MAGI1: variants seen among roughly 807,000 people sequenced by gnomAD.
MAGI1 encodes the protein membrane associated guanylate kinase, WW and PDZ domain containing 1, also known as membrane-associated guanylate kinase, WW and PDZ domain-containing protein 1.
A neutral mutation model predicts 139.9 loss-of-function variants in MAGI1; 58 were observed. That is an observed-to-expected ratio of 0.41 (90% CI 0.34 to 0.52). The LOEUF (loss-of-function observed/expected upper bound fraction) is 0.52. Ranked by LOEUF, MAGI1 falls within the 20% of genes least tolerant of loss-of-function variation. MAGI1 has a pLI of 0.12. For synonymous variants in MAGI1, 812 were observed against 737.9 expected (o/e 1.10, Z -1.63); for missense variants, 1,874 against 1,901.6 (o/e 0.99, Z 0.27).
At chr3:65,485,090 T>C (rs1432394856) in intron 3 of MAGI1, among the ~76,000 whole-genome samples, 1 of 152,190 alleles carries the variant, frequency 6.6e-6, no homozygotes, top group Admixed American at 6.5e-5. Flanking sequence ...GGGATCCTCC[T>C]AAAAACCTGT....
At chr3:65,691,202 C>G (rs903320417) in intron 1 of MAGI1, among the ~76,000 whole-genome samples, 21 of 150,918 alleles carry the variant, frequency 1.4e-4, no homozygotes, top group African/African-American at 4.9e-4. Flanking sequence ...ACATGGGAGG[C>G]TGAGGCAGGA....
intron 2 of MAGI1, among the ~76,000 whole-genome samples, chr3:65,582,473 TA>T (rs1291355007): frequency 1.3e-5 from 2 of 152,206 alleles, no homozygotes; most frequent in Admixed American, 1.3e-4. Flanking sequence ...AGGATGATTT[TA>T]AACATGCTGC....
At chr3:65,982,978 G>GTACAGTACA (rs2065667715) in intron 1 of MAGI1, among the ~76,000 whole-genome samples, 2 of 152,200 alleles carry the variant, frequency 1.3e-5, no homozygotes, top group African/African-American at 2.4e-5. Context: ...ACAGTACAGT[G>GTACAGTACA]GCACAATCAT....
chr3:65,908,511 C>A (rs983630501), intron 1 of MAGI1, among the ~76,000 whole-genome samples: 1 of 152,176 alleles, frequency 6.6e-6, no homozygotes, highest in Non-Finnish European at 1.5e-5. Context: ...GTCTTGAACT[C>A]CTGACTTCGT....
At chr3:65,595,772 G>A (rs1470822360) in intron 2 of MAGI1, among the ~76,000 whole-genome samples, 4 of 122,892 alleles carry the variant, frequency 3.3e-5, no homozygotes, top group African/African-American at 6.1e-5. Context: ...AACTACATGG[G>A]GAAGCAAATG....
intron 1 of MAGI1, among the ~76,000 whole-genome samples, chr3:65,784,904 T>C (rs2039258761): frequency 6.6e-6 from 1 of 152,076 alleles, no homozygotes; most frequent in Non-Finnish European, 1.5e-5. Flanking sequence ...ATGTCCAGAA[T>C]AGGCAAATCT....
chr3:65,592,172 A>G (rs1463126586), intron 2 of MAGI1, among the ~76,000 whole-genome samples: 1 of 152,188 alleles, frequency 6.6e-6, no homozygotes, highest in Non-Finnish European at 1.5e-5. Flanking sequence ...AAATAAATAT[A>G]TCTTAGTGTT....
intron 1 of MAGI1, among the ~76,000 whole-genome samples, chr3:65,645,725 G>T (rs1310816489): frequency 6.6e-6 from 1 of 152,056 alleles, no homozygotes; most frequent in East Asian, 1.9e-4. Flanking sequence ...AAATATTTCA[G>T]ACAATGATAT....
chr3:65,591,410 A>G (rs2081959232), intron 2 of MAGI1, among the ~76,000 whole-genome samples: 1 of 151,944 alleles, frequency 6.6e-6, no homozygotes, highest in South Asian at 2.1e-4. Flanking sequence ...ATATATAACC[A>G]CTTTGTACAC....
At chr3:65,742,975 A>G (rs1218369567) in intron 1 of MAGI1, among the ~76,000 whole-genome samples, 3 of 152,218 alleles carry the variant, frequency 2.0e-5, no homozygotes, top group Non-Finnish European at 2.9e-5. Flanking sequence ...CTTTTGAAGA[A>G]AGGAGTAAAT....
intron 1 of MAGI1, among the ~76,000 whole-genome samples, chr3:65,953,952 A>C (rs888701233): frequency 6.6e-6 from 1 of 152,222 alleles, no homozygotes; most frequent in Admixed American, 6.5e-5. Flanking sequence ...TTCTTGGACT[A>C]ATTTAAAAGC....
Position 65,429,655 on chromosome 3 carries a change from G to A in MAGI1, c.2032C>T (p.Arg678Ter). ...ATGAGATCCCCTTCTTTCAGGCCTCGGCACCTTGGGCTGTCAACAATCTGT... is the reference window on the plus strand; with the variant it reads ...ATGAGATCCCCTTCTTTCAGGCCTCAGCACCTTGGGCTGTCAACAATCTGT... ...VKQIVDSPRC[R>*]GLKEGDLIVE... Residue 678 changes from arginine to a stop codon, truncating the protein, a stop_gained, in exon 12 of 23, where the codon CGA (arginine) becomes TGA (stop). Transcript: ENST00000402939. LOFTEE classifies it high-confidence loss of function. The A allele has an allele frequency of 6.2e-7, 1 of 1,613,850 alleles. No individual in the cohort carries two copies.
chr3:65,686,285 G>A (rs958215134), intron 1 of MAGI1, among the ~76,000 whole-genome samples: 1 of 151,912 alleles, frequency 6.6e-6, no homozygotes, highest in African/African-American at 2.4e-5. Flanking sequence ...ATCTGTAGGG[G>A]TGTTTTTTTG....
At chr3:65,787,142 C>G (rs892595271) in intron 1 of MAGI1, among the ~76,000 whole-genome samples, 2 of 152,050 alleles carry the variant, frequency 1.3e-5, no homozygotes, top group African/African-American at 2.4e-5. Flanking sequence ...AAGCCACATT[C>G]AGTTACAAAA....
At chr3:65,738,195 A>G (rs138641229) in intron 1 of MAGI1, among the ~76,000 whole-genome samples, 2 of 152,380 alleles carry the variant, frequency 1.3e-5, no homozygotes, top group African/African-American at 4.8e-5. Context: ...TGACCGCCAT[A>G]AAGTGAATAT....
At chr3:65,929,862 G>A (rs9811183) in intron 1 of MAGI1, among the ~76,000 whole-genome samples, 80,687 of 151,806 alleles carry the variant, frequency 0.53, 22,037 homozygotes, top group East Asian at 0.75. Flanking sequence ...GTGGGCTGGG[G>A]AGAAATTCTG....
intron 2 of MAGI1, among the ~76,000 whole-genome samples, chr3:65,506,705 T>C (rs1178077203): frequency 6.6e-6 from 1 of 152,172 alleles, no homozygotes; most frequent in African/African-American, 2.4e-5. Context: ...AATTTGAGGA[T>C]CTCAATTGCC....
In MAGI1 at chr3:65,880,908, C is replaced by T. The variant is rs554486693; in HGVS notation, c.313+157088G>A. 1.3e-3 allele frequency among the ~76,000 whole-genome samples: 185 copies of T among 145,678 alleles called. 4 individuals carry two copies. The South Asian group carries it at 0.018, about 14-fold the overall frequency. Reference sequence around the variant, plus strand: ...TTCATGGGAAATAAAATATCTCTGGCGTGTGTGTGTGTGTGTGTGTGTGTG... The same window carrying T: ...TTCATGGGAAATAAAATATCTCTGGTGTGTGTGTGTGTGTGTGTGTGTGTG... On this transcript the variant is annotated intron_variant, in intron 1 of 22. Transcript: ENST00000402939.
intron 1 of MAGI1, among the ~76,000 whole-genome samples, chr3:65,828,438 C>T (rs2042348529): frequency 6.6e-6 from 1 of 152,156 alleles, no homozygotes; most frequent in Admixed American, 6.5e-5. Flanking sequence ...GGTAGTATAT[C>T]TCACATCTAT....
Sources: gnomAD v4.1 joint callset for allele counts (sites outside exome capture counted in the v4.1 genomes callset) on GRCh38, gnomAD v4.1.1 for gene constraint, MANE v1.5 for transcripts, NCBI Gene and HGNC (gene_info 2026-07-23, HGNC 2026-07-21) for gene names.